The following MGRN1 variants were observed in gnomAD, a reference collection of about 807,000 sequenced individuals.
The protein encoded by MGRN1 is E3 ubiquitin-protein ligase MGRN1.
Under a neutral mutation model 69.2 loss-of-function variants are expected in MGRN1, and 29 were observed. The observed-to-expected ratio is 0.42, with a 90% CI of 0.31 to 0.57. MGRN1 has a LOEUF of 0.57. MGRN1 is among the 20% of genes least tolerant of loss of function. The probability of loss-of-function intolerance (pLI) is 0.15; values close to 1 mark genes in which losing one functional copy is unlikely to be tolerated. For synonymous variants in MGRN1, 470 were observed against 344.2 expected (o/e 1.37, Z -4.04); for missense variants, 998 against 796.2 (o/e 1.25, Z -3.05).
intron 1 of MGRN1, among the ~76,000 whole-genome samples, chr16:4,644,588 G>A (rs1453093012): frequency 2.0e-5 from 3 of 152,204 alleles, no homozygotes; most frequent in African/African-American, 7.2e-5. Flanking sequence ...GGAATTACAG[G>A]TGTGAGCCAC....
intron 2 of MGRN1, chr16:4,650,964 C>G (rs1409395820): frequency 6.6e-6 from 1 of 152,176 alleles, no homozygotes; most frequent in Non-Finnish European, 1.5e-5. Flanking sequence ...GAAAAATTAG[C>G]CGGGTGTGGT....
chr16:4,686,274 C>T, intron 16 of MGRN1: 1 of 1,544,970 alleles, frequency 6.5e-7, no homozygotes, highest in Non-Finnish European at 8.7e-7. Flanking sequence ...GGGCCCGACT[C>T]CTGCTCTGTT....
chr16:4,681,928 G>A (rs546253533), intron 13 of MGRN1, 152 bp downstream of exon 13: 3 of 822,600 alleles, frequency 3.6e-6, no homozygotes, highest in East Asian at 2.7e-5. Context: ...AGACTCATGG[G>A]TAAAGTTTAT....
intron 1 of MGRN1, among the ~76,000 whole-genome samples, chr16:4,644,496 G>A (rs1337300211): frequency 2.0e-5 from 3 of 151,686 alleles, no homozygotes; most frequent in Non-Finnish European, 4.4e-5. Flanking sequence ...TTTTAGTAGA[G>A]ACAGGGTTTC....
At chr16:4,681,441 G>A (rs1434458052) in intron 12 of MGRN1, 109 bp from the exon 13 acceptor site, 3 of 1,050,552 alleles carry the variant, frequency 2.9e-6, no homozygotes, top group African/African-American at 3.2e-5. Flanking sequence ...TGAGGGTGGG[G>A]GAGTCTCAAT....
At chr16:4,662,714 C>G (rs1241161090) in intron 5 of MGRN1, among the ~76,000 whole-genome samples, 1 of 152,166 alleles carries the variant, frequency 6.6e-6, no homozygotes, top group Non-Finnish European at 1.5e-5. Flanking sequence ...TGAAAGCCAC[C>G]CTGGTCACTG....
chr16:4,638,846 G>C (rs1382459367), intron 1 of MGRN1, among the ~76,000 whole-genome samples: 1 of 152,198 alleles, frequency 6.6e-6, no homozygotes, highest in Non-Finnish European at 1.5e-5. Context: ...CCTTCCTCGG[G>C]TGGGAACGAT....
At chr16:4,678,763 G>A (rs2079110543) in intron 11 of MGRN1, among the ~76,000 whole-genome samples, 1 of 152,214 alleles carries the variant, frequency 6.6e-6, no homozygotes, top group African/African-American at 2.4e-5. Context: ...TGAGCCGTTG[G>A]TTCTTCCAGG....
At chr16:4,651,902 C>T (rs776537563) in intron 2 of MGRN1, 61 bp from the exon 3 acceptor site, 18 of 1,487,498 alleles carry the variant, frequency 1.2e-5, no homozygotes, top group South Asian at 6.8e-5. Flanking sequence ...CACCCTGACC[C>T]GTTTTCTGTT....
chr16:4,677,674 T>C, intron 11 of MGRN1, 102 bp downstream of exon 11: 1 of 1,134,224 alleles, frequency 8.8e-7, no homozygotes. Context: ...CGTGTTCTCT[T>C]CTGTCCAGTG....
At chr16:4,673,096 C>T (rs548637098) in intron 9 of MGRN1, among the ~76,000 whole-genome samples, 3 of 152,320 alleles carry the variant, frequency 2.0e-5, no homozygotes, top group African/African-American at 7.2e-5. Context: ...CCTCAGCCTC[C>T]CAAAGTGCTG....
At chr16:4,685,615 G>T (rs2079294583) in intron 16 of MGRN1, among the ~76,000 whole-genome samples, 1 of 152,244 alleles carries the variant, frequency 6.6e-6, no homozygotes, top group Non-Finnish European at 1.5e-5. Context: ...GAGCACATGT[G>T]CCTTTGGGGG....
rs2079143870 is a variant in MGRN1, at chr16:4,680,056, C to T, written c.1090C>T (p.His364Tyr). Residue 364 changes from histidine to tyrosine, a missense_variant, in exon 12 of 17, where the codon CAC becomes TAC. Transcript: ENST00000262370. ...HSCPFKKSKP[H>Y]PASLASKKPK... Reference sequence around the variant, plus strand: ...GTGTCCCTTTAAAAAATCAAAGCCGCACCCCGCCTCCCTGGCCAGCAAGAA... The same window carrying T: ...GTGTCCCTTTAAAAAATCAAAGCCGTACCCCGCCTCCCTGGCCAGCAAGAA... 1 of 1,614,104 alleles carries T rather than the reference C, an allele frequency of 6.2e-7. No individual in the cohort carries two copies. Among genetic ancestry groups the T allele is most frequent in the East Asian group, 2.2e-5 (1 of 44,876 alleles).
At chr16:4,655,681 G>A (rs1169076849) in intron 4 of MGRN1, among the ~76,000 whole-genome samples, 1 of 152,202 alleles carries the variant, frequency 6.6e-6, no homozygotes, top group African/African-American at 2.4e-5. Context: ...CGCGGTGCAA[G>A]GCCAGCTTCC....
intron 8 of MGRN1, among the ~76,000 whole-genome samples, chr16:4,669,446 AAAG>A (rs2078891025): frequency 6.6e-6 from 1 of 151,424 alleles, no homozygotes; most frequent in Non-Finnish European, 1.5e-5. Context: ...AAAAAAAAAA[AAAG>A]CTGTGCAACA....
rs116306728 is a variant in MGRN1 at position 4,641,259 on chromosome 16, C to T, written c.89-9106C>T. Among the ~76,000 whole-genome samples, 1,307 of 152,340 alleles carry T rather than the reference C, an allele frequency of 8.6e-3. 30 individuals carry two copies. Among genetic ancestry groups the T allele is most frequent in the African/African-American group, 0.03 (1,231 of 41,576 alleles). Reference sequence around the variant, plus strand: ...CCCTAACACTTCCCCAGGCCTGGTCCCTTCCTCCTGCCCCATCAGGGACCT... The same window carrying T: ...CCCTAACACTTCCCCAGGCCTGGTCTCTTCCTCCTGCCCCATCAGGGACCT... On this transcript the variant is annotated intron_variant, in intron 1 of 16. Coordinates refer to ENST00000262370, the MANE Select transcript of MGRN1 (RefSeq NM_015246.4).
chr16:4,669,838 A>C (rs1339649707), intron 8 of MGRN1, among the ~76,000 whole-genome samples: 2 of 152,132 alleles, frequency 1.3e-5, no homozygotes, highest in African/African-American at 4.8e-5. Flanking sequence ...GGGATGCTGC[A>C]TTGGGAAGTG....
At chr16:4,669,516 G>A (rs1183721202) in intron 8 of MGRN1, among the ~76,000 whole-genome samples, 1 of 151,996 alleles carries the variant, frequency 6.6e-6, no homozygotes, top group Admixed American at 6.6e-5. Context: ...CCTGTCTTGG[G>A]TGAGCATATA....
intron 1 of MGRN1, among the ~76,000 whole-genome samples, chr16:4,629,929 C>G (rs1019182461): frequency 6.6e-6 from 1 of 151,284 alleles, no homozygotes; most frequent in African/African-American, 2.4e-5. Flanking sequence ...GCCCGTAATC[C>G]CAGCTACTCA....
Sources: gnomAD v4.1 joint callset for allele counts (sites outside exome capture counted in the v4.1 genomes callset) on GRCh38, gnomAD v4.1.1 for gene constraint, MANE v1.5 for transcripts, NCBI Gene and HGNC (gene_info 2026-07-23, HGNC 2026-07-21) for gene names.